PEX5: variants seen among roughly 807,000 people sequenced by gnomAD.
PEX5 encodes peroxisomal biogenesis factor 5, also known as PTS1 receptor.
A neutral mutation model predicts 82.9 loss-of-function variants in PEX5; 52 were observed. The observed-to-expected ratio is 0.63, with a 90% CI of 0.50 to 0.79. The LOEUF (loss-of-function observed/expected upper bound fraction) is 0.79, where lower values mean the gene tolerates loss of function less well. Ranked by LOEUF, PEX5 falls within the 30% of genes least tolerant of loss-of-function variation. The pLI, the probability that PEX5 is intolerant of heterozygous loss-of-function variation, is 0.00. For missense variants in PEX5, 719 were observed against 815.2 expected (o/e 0.88, Z 1.44); for synonymous variants, 300 against 318.8 (o/e 0.94, Z 0.63).
chr12:7,191,014 G>A, intron 3 of PEX5, 91 bp downstream of exon 3: 2 of 1,352,916 alleles, frequency 1.5e-6, no homozygotes, highest in Non-Finnish European at 2.1e-6. Context: ...TCAATTTTTG[G>A]GCTTTCCTGA....
chr12:7,190,785 C>A, intron 2 of PEX5, 103 bp from the exon 3 acceptor site: 1 of 1,332,868 alleles, frequency 7.5e-7, no homozygotes, highest in Non-Finnish European at 1.1e-6. Context: ...TAAATGCAAC[C>A]ATTTTATAGA....
intron 9 of PEX5, 150 bp downstream of exon 9, chr12:7,202,854 G>T (rs1439253155): frequency 1.5e-5 from 11 of 712,916 alleles, no homozygotes; most frequent in African/African-American, 1.2e-4. Context: ...GGTGGGTGCT[G>T]TTGAAAAATG....
intron 5 of PEX5, 43 bp from the exon 6 acceptor site, chr12:7,198,968 T>G: frequency 9.2e-7 from 1 of 1,092,180 alleles, no homozygotes. Flanking sequence ...GATCCCACAC[T>G]GAATGAACCT....
downstream of PEX5, chr12:7,212,941 G>A (rs1354486360): frequency 1.3e-5 from 2 of 152,162 alleles, no homozygotes; most frequent in Non-Finnish European, 2.9e-5. Context: ...CACTACATAG[G>A]TGCAGGACAT....
chr12:7,209,557 C>A (rs1041983683), intron 14 of PEX5, 126 bp from the exon 15 acceptor site: 1 of 250,968 alleles, frequency 4.0e-6, no homozygotes, highest in Non-Finnish European at 6.4e-6. Context: ...TGGGACGAAA[C>A]ATGTTAGCTA....
chr12:7,195,360 G>C (rs146302509), intron 5 of PEX5, among the ~76,000 whole-genome samples: 1 of 152,182 alleles, frequency 6.6e-6, no homozygotes, highest in African/African-American at 2.4e-5. Context: ...ATTTTCTGTA[G>C]GAATTTCTCA....
At position 7,210,265 on chromosome 12, in the gene PEX5, C is replaced by G. The variant is rs1363543103; in HGVS notation, c.*42C>G. The G allele has an allele frequency of 1.3e-6, 2 of 1,581,674 alleles. No individual in the cohort carries two copies. Among genetic ancestry groups the G allele is most frequent in the South Asian group, 2.2e-5 (2 of 90,472 alleles). On this transcript the variant is annotated 3_prime_UTR_variant, in exon 16 of 16. Coordinates refer to ENST00000675855, the MANE Select transcript of PEX5 (RefSeq NM_001351132.2). ...CCTGTGAGTGTCCACCTGGAGGGATCCCCGCTTTGGATGTGATTCCCTCTC... is the reference window on the plus strand; with the variant it reads ...CCTGTGAGTGTCCACCTGGAGGGATGCCCGCTTTGGATGTGATTCCCTCTC...
At chr12:7,208,346 G>A (rs1357640899) in intron 12 of PEX5, 111 bp from the exon 13 acceptor site, 2 of 810,650 alleles carry the variant, frequency 2.5e-6, no homozygotes, top group Non-Finnish European at 4.2e-6. Flanking sequence ...GGAGTCACAG[G>A]TGAGGCCATT....
chr12:7,194,073 C>T lies in PEX5; in HGVS notation c.448+2373C>T, dbSNP rs544078546. On this transcript the variant is annotated intron_variant, in intron 5 of 15. Coordinates refer to ENST00000675855, the MANE Select transcript of PEX5 (RefSeq NM_001351132.2). ...GCTAAAGGAAAGGAGTTCATTTTGTCGTAACTGACTTTTTTTTATTATCCT... is the reference window on the plus strand; with the variant it reads ...GCTAAAGGAAAGGAGTTCATTTTGTTGTAACTGACTTTTTTTTATTATCCT... Among the ~76,000 whole-genome samples the T allele has an allele frequency of 2.2e-4, 34 of 152,170 alleles. No individual in the cohort carries two copies. In the East Asian group the frequency reaches 3.3e-3, roughly 15 times the overall value.
Position 7,209,259 on chromosome 12 carries a change from C to T in PEX5, c.1560+89C>T, listed in dbSNP as rs2136246263. The T allele has an allele frequency of 1.0e-5, 13 of 1,305,970 alleles. 1 individual carries two copies. In the East Asian group the frequency reaches 3.0e-4, roughly 30 times the overall value. 80.9% of individuals were successfully genotyped at this position (1,305,970 alleles called of 1,614,324 possible). ...GGGAAGCTGGGTTTGATGGTGCATG[C>T]CTGTAGTCCCAGCTACTTGGGAGGC... On this transcript the variant is annotated intron_variant, in intron 14 of 15. Coordinates refer to ENST00000675855, the MANE Select transcript of PEX5 (RefSeq NM_001351132.2).
intron 5 of PEX5, among the ~76,000 whole-genome samples, chr12:7,195,164 T>C (rs1368586185): frequency 6.6e-6 from 1 of 152,192 alleles, no homozygotes; most frequent in East Asian, 1.9e-4. Context: ...TTTTTGACTT[T>C]TGAGCTTGGG....
In PEX5 at chr12:7,210,163, T is replaced by C; in HGVS notation, c.1860T>C (p.Tyr620=). 2 of 1,614,236 alleles carry C rather than the reference T, an allele frequency of 1.2e-6. No homozygotes were observed. Among genetic ancestry groups the C allele is most frequent in the African/African-American group, 1.3e-5 (1 of 75,060 alleles). Residue 620 remains tyrosine, a synonymous_variant, in exon 16 of 16, where the codon TAT becomes TAC. Coordinates refer to ENST00000675855, the MANE Select transcript of PEX5 (RefSeq NM_001351132.2). The part of the protein sequence containing the change: ...ALSMLGQSDA[Y]GAADARDLST... ...CTATGTTAGGCCAGAGCGATGCCTA[T>C]GGGGCAGCCGACGCGCGGGATCTGT...
Position 7,191,555 on chromosome 12 carries a change from C to T in PEX5, c.317-14C>T. The T allele has an allele frequency of 6.2e-7, 1 of 1,613,904 alleles. No individual in the cohort carries two copies. The highest frequency in any genetic ancestry group is 2.2e-5 in the East Asian group (1 of 44,890). ...TATGTATTCTTTCTTAGTTTTCTCT[C>T]TCTCTCTTTTAAGCCCCTGGTGTGG... On this transcript the variant is annotated splice_polypyrimidine_tract_variant and intron_variant, in intron 4 of 15. Transcript: ENST00000675855.
rs1361895666 is a variant in PEX5 at position 7,201,800 on chromosome 12, T to G, written c.601T>G (p.Phe201Val). 2 of 1,613,944 alleles carry G rather than the reference T, an allele frequency of 1.2e-6. No individual in the cohort carries two copies. The highest frequency in any genetic ancestry group is 2.7e-5 in the African/African-American group (2 of 74,924). Reference sequence around the variant, plus strand: ...GGATCTGCAGCACACGGCCAGTGACTTTGTGGCCAAAGTGGATGACCCCAA... The same window carrying G: ...GGATCTGCAGCACACGGCCAGTGACGTTGTGGCCAAAGTGGATGACCCCAA... Reference protein sequence around the residue: ...EEDLQHTASDFVAKVDDPKLA... With the variant: ...EEDLQHTASDVVAKVDDPKLA... The change falls in exon 7 of 16, where the codon TTT becomes GTT. Residue 201 changes from phenylalanine to valine, a missense_variant. Phe to Val is a conservative substitution (Grantham distance 50). Coordinates refer to ENST00000675855, the MANE Select transcript of PEX5 (RefSeq NM_001351132.2).
At chr12:7,194,757 C>G (rs2135950552) in intron 5 of PEX5, among the ~76,000 whole-genome samples, 1 of 152,262 alleles carries the variant, frequency 6.6e-6, no homozygotes, top group East Asian at 1.9e-4. Context: ...AGAGATAAAC[C>G]TGCACTTTCA....
rs1944388602 is a variant in PEX5, at chr12:7,203,438, G to A, written c.853G>A (p.Val285Ile). The part of the protein sequence containing the change: ...ERAKSAIESD[V>I]DFWDKLQAEL... Reference sequence around the variant, plus strand: ...TGCTTTCCCTTCCTTACAGTCTGATGTCGATTTCTGGGACAAGTTGCAGGC... The same window carrying A: ...TGCTTTCCCTTCCTTACAGTCTGATATCGATTTCTGGGACAAGTTGCAGGC... Residue 285 changes from valine to isoleucine, a missense_variant, in exon 10 of 16, where the codon GTC becomes ATC. Transcript: ENST00000675855. The A allele has an allele frequency of 6.2e-7, 1 of 1,613,380 alleles. No individual in the cohort carries two copies. Among genetic ancestry groups the A allele is most frequent in the African/African-American group, 1.3e-5 (1 of 74,886 alleles).
At chr12:7,196,441 A>G (rs1254299338) in intron 5 of PEX5, among the ~76,000 whole-genome samples, 1 of 139,338 alleles carries the variant, frequency 7.2e-6, no homozygotes, top group Non-Finnish European at 1.5e-5. Flanking sequence ...GCCATATATA[A>G]TGTAATAATT....
intron 5 of PEX5, among the ~76,000 whole-genome samples, chr12:7,193,270 C>G (rs1009874577): frequency 1.7e-4 from 23 of 138,114 alleles, no homozygotes; most frequent in Non-Finnish European, 3.2e-4. Flanking sequence ...GGGTCTTGCT[C>G]TCACCCAGGG....
chr12:7,209,740 G>A lies in PEX5; in HGVS notation c.1618G>A (p.Glu540Lys), dbSNP rs977141805. The A allele has an allele frequency of 6.7e-7, 1 of 1,498,828 alleles. No homozygotes were observed. Among genetic ancestry groups the A allele is most frequent in the East Asian group, 2.6e-5 (1 of 38,780 alleles). The allele number at this position is 1,498,828 out of a possible 1,614,324, so 92.8% of individuals were successfully genotyped here. The change falls in exon 15 of 16, where the codon GAA (glutamate) becomes AAA (lysine). Residue 540 changes from glutamate (E) to lysine (K), a missense_variant. Transcript: ENST00000675855. ...CCTGGCCAATGGAAACCAGAGTGAA[G>A]AAGCAGTAGCTGCGTACCGCCGGGC... Reference protein sequence around the residue: ...ATLANGNQSEEAVAAYRRALE... With the variant: ...ATLANGNQSEKAVAAYRRALE...
Sources: allele counts gnomAD v4.1 joint callset (sites outside exome capture counted in the v4.1 genomes callset), GRCh38; gene constraint gnomAD v4.1.1; transcripts MANE v1.5; gene names NCBI Gene and HGNC (gene_info 2026-07-23, HGNC 2026-07-21).